Variants in ASPRV1 observed in about 807,000 individuals in gnomAD.
The protein encoded by ASPRV1 is retroviral-like aspartic protease 1.
Under a neutral mutation model 11.0 loss-of-function variants are expected in ASPRV1, and 7 were observed. The ratio of observed to expected loss-of-function variants is 0.64; its 90% CI spans 0.36 to 1.20. The LOEUF (loss-of-function observed/expected upper bound fraction) is 1.20. ASPRV1 is among the 50% of genes most tolerant of loss of function. The pLI is 0.02. For missense variants in ASPRV1, 299 were observed against 320.0 expected, an observed-to-expected ratio of 0.93 and a Z score of 0.50; for synonymous variants, 136 against 138.4, an observed-to-expected ratio of 0.98 and a Z score of 0.12.
chr2:69,977,685 C>T, the ASPRV1 span, among the ~76,000 whole-genome samples: 943 of 152,230 alleles, frequency 6.2e-3, 10 homozygotes, highest in African/African-American at 0.021. Context: ...AAGAAGTGGC[C>T]CCAAATGATC....
the ASPRV1 span, among the ~76,000 whole-genome samples, chr2:70,044,826 G>C: frequency 6.6e-6 from 1 of 152,158 alleles, no homozygotes; most frequent in East Asian, 1.9e-4. Context: ...ACCAGCTCCA[G>C]TACATGCAGT....
the ASPRV1 span, among the ~76,000 whole-genome samples, chr2:70,025,723 G>A: frequency 6.6e-6 from 1 of 152,208 alleles, no homozygotes; most frequent in Non-Finnish European, 1.5e-5. Flanking sequence ...GATACTCTCT[G>A]TGAACTCCAG....
the ASPRV1 span, among the ~76,000 whole-genome samples, chr2:70,072,912 A>C: frequency 2.6e-5 from 4 of 150,968 alleles, no homozygotes; most frequent in Non-Finnish European, 5.9e-5. Flanking sequence ...AAAAAAAAAA[A>C]AAAACAGCCG....
chr2:70,059,250 G>A, the ASPRV1 span, among the ~76,000 whole-genome samples: 1 of 144,156 alleles, frequency 6.9e-6, no homozygotes, highest in Non-Finnish European at 1.5e-5. Context: ...TCTGCTGATT[G>A]GTTTTCTTTT....
the ASPRV1 span, among the ~76,000 whole-genome samples, chr2:70,010,176 T>G: frequency 6.6e-6 from 1 of 152,106 alleles, no homozygotes; most frequent in African/African-American, 2.4e-5. Context: ...TGAGGGTATG[T>G]GAACTAGACA....
At chr2:70,065,725 T>A in the ASPRV1 span, among the ~76,000 whole-genome samples, 1 of 145,548 alleles carries the variant, frequency 6.9e-6, no homozygotes. Flanking sequence ...CTGGGGAGGC[T>A]GAGGCAGGAA....
chr2:70,084,391 A>G, the ASPRV1 span, among the ~76,000 whole-genome samples: 1 of 152,182 alleles, frequency 6.6e-6, no homozygotes, highest in South Asian at 2.1e-4. Flanking sequence ...GACTCTCTGC[A>G]GAGACCACAT....
the ASPRV1 span, among the ~76,000 whole-genome samples, chr2:70,067,086 A>G: frequency 3.3e-5 from 5 of 152,354 alleles, no homozygotes; most frequent in South Asian, 1.0e-3. Flanking sequence ...ATATTAATTC[A>G]CTTAATCCTC....
At chr2:69,973,481 C>T in the ASPRV1 span, among the ~76,000 whole-genome samples, 1 of 152,196 alleles carries the variant, frequency 6.6e-6, no homozygotes, top group South Asian at 2.1e-4. Flanking sequence ...AAGAGATCCT[C>T]CTGCCTCAGA....
the ASPRV1 span, chr2:70,085,919 CTT>C: frequency 6.6e-6 from 1 of 152,102 alleles, no homozygotes; most frequent in Admixed American, 6.5e-5. Context: ...AAAGCAGTAA[CTT>C]ATCTCATTCC....
chr2:70,063,326 T>TCCAG, the ASPRV1 span, among the ~76,000 whole-genome samples: 230 of 152,226 alleles, frequency 1.5e-3, no homozygotes, highest in Middle Eastern at 0.01. Context: ...TTCACACACA[T>TCCAG]CCAGCCAGTC....
At chr2:70,033,429 A>AC in the ASPRV1 span, among the ~76,000 whole-genome samples, 1 of 152,070 alleles carries the variant, frequency 6.6e-6, no homozygotes, top group Non-Finnish European at 1.5e-5. Context: ...AATGCTTCTC[A>AC]CATTGTGTTT....
chr2:69,957,841 C>T (rs1373019781), downstream of ASPRV1, among the ~76,000 whole-genome samples: 1 of 152,158 alleles, frequency 6.6e-6, no homozygotes, highest in African/African-American at 2.4e-5. Flanking sequence ...TTATCATGTG[C>T]TCCAAAGGCT....
chr2:69,959,565 G>A (rs191667059), downstream of ASPRV1, among the ~76,000 whole-genome samples: 45 of 152,060 alleles, frequency 3.0e-4, no homozygotes, highest in Admixed American at 2.9e-3. Context: ...TCTGTTCCAA[G>A]TCCCTCCAAG....
chr2:70,039,317 G>A, the ASPRV1 span, among the ~76,000 whole-genome samples: 1 of 152,154 alleles, frequency 6.6e-6, no homozygotes, highest in Non-Finnish European at 1.5e-5. Flanking sequence ...GATGGAAACA[G>A]GGTCAGTGTA....
the ASPRV1 span, among the ~76,000 whole-genome samples, chr2:69,977,173 A>T: frequency 1.1e-5 from 1 of 90,430 alleles, no homozygotes; most frequent in South Asian, 2.5e-4. Flanking sequence ...GAGACTCTGT[A>T]AAAAAAAATA....
the ASPRV1 span, among the ~76,000 whole-genome samples, chr2:70,076,423 A>G: frequency 2.0e-5 from 3 of 152,344 alleles, no homozygotes; most frequent in South Asian, 6.2e-4. Flanking sequence ...AATTTTTATG[A>G]TAATAGCTGA....
At chr2:70,017,013 C>T in the ASPRV1 span, among the ~76,000 whole-genome samples, 1 of 151,956 alleles carries the variant, frequency 6.6e-6, no homozygotes, top group Non-Finnish European at 1.5e-5. Context: ...TTTTTTTACA[C>T]GGAGTCTGGC....
chr2:70,016,862 GA>G, the ASPRV1 span, among the ~76,000 whole-genome samples: 53 of 141,660 alleles, frequency 3.7e-4, no homozygotes, highest in Admixed American at 5.7e-4. Flanking sequence ...CACCAAGGGA[GA>G]AAAAAAAAAA....
Sources: gnomAD v4.1 joint callset for allele counts (sites outside exome capture counted in the v4.1 genomes callset) on GRCh38, gnomAD v4.1.1 for gene constraint, MANE v1.5 for transcripts, NCBI Gene and HGNC (gene_info 2026-07-23, HGNC 2026-07-21) for gene names.